Variants in TXLNB observed in about 807,000 individuals in gnomAD.
TXLNB encodes taxilin beta, also known as beta-taxilin.
A neutral mutation model predicts 57.4 loss-of-function variants in TXLNB; 37 were observed. That is an observed-to-expected ratio of 0.64 (90% CI 0.50 to 0.85). The LOEUF (loss-of-function observed/expected upper bound fraction) is 0.85, where lower values mean the gene tolerates loss of function less well. TXLNB is among the 40% of genes least tolerant of loss of function. The pLI is 0.00. For synonymous variants in TXLNB, 302 were observed against 309.6 expected (o/e 0.98, Z 0.26); for missense variants, 848 against 825.6 (o/e 1.03, Z -0.33).
chr6:139,244,486 T>G, intron 9 of TXLNB, 109 bp downstream of exon 9: 1 of 776,576 alleles, frequency 1.3e-6, no homozygotes, highest in Non-Finnish European at 2.2e-6. Context: ...CAAATTCAAC[T>G]CTTTTTCACA....
chr6:139,185,645 G>A, the TXLNB span, among the ~76,000 whole-genome samples: 1 of 152,160 alleles, frequency 6.6e-6, no homozygotes, highest in Non-Finnish European at 1.5e-5. Context: ...AGCTTGCAGT[G>A]AGCCGAGATC....
the TXLNB span, among the ~76,000 whole-genome samples, chr6:139,186,204 G>A: frequency 6.6e-6 from 1 of 151,982 alleles, no homozygotes; most frequent in Non-Finnish European, 1.5e-5. Flanking sequence ...AACTCAAAAT[G>A]GATCAGATGT....
At chr6:139,294,015 T>G (rs1023189729), upstream of TXLNB, among the ~76,000 whole-genome samples, 2 of 152,172 alleles carry the variant, frequency 1.3e-5, no homozygotes, top group Non-Finnish European at 2.9e-5. Flanking sequence ...CTTAACAGAA[T>G]AATTTAAATA....
rs532850255 is a variant in TXLNB, at chr6:139,244,669, G to T, written c.1192C>A (p.Leu398Met). The T allele has an allele frequency of 1.2e-6, 2 of 1,613,370 alleles. No individual in the cohort carries two copies. The highest frequency in any genetic ancestry group is 4.5e-5 in the East Asian group (2 of 44,858). Residue 398 changes from leucine to methionine, a missense_variant, in exon 9 of 10, where the codon CTG becomes ATG. Physicochemically the swap from Leu to Met is conservative, Grantham distance 15. Transcript: ENST00000358430. ...MDKTTKKMKK[L>M]EKDTATWKAR... ...TTCCATGTGGCTGTGTCCTTTTCCA[G>T]CTTCTTCATTTTCTTAGTTGTCTAC...
chr6:139,198,636 A>T, the TXLNB span, among the ~76,000 whole-genome samples: 29 of 152,302 alleles, frequency 1.9e-4, no homozygotes, highest in African/African-American at 5.8e-4. Flanking sequence ...GTTTTGGCCA[A>T]TTGAGGTGCA....
At chr6:139,201,931 TACA>T in the TXLNB span, 3 of 152,254 alleles carry the variant, frequency 2.0e-5, no homozygotes, top group Admixed American at 1.3e-4. Flanking sequence ...TCCTACTCGT[TACA>T]ACATTACCTT....
At chr6:139,199,562 A>C in the TXLNB span, among the ~76,000 whole-genome samples, 55 of 152,318 alleles carry the variant, frequency 3.6e-4, no homozygotes, top group African/African-American at 1.3e-3. Flanking sequence ...GCTACACATA[A>C]TAGTGCATTG....
the TXLNB span, chr6:139,166,406 CA>C: frequency 6.2e-7 from 1 of 1,614,262 alleles, no homozygotes; most frequent in Non-Finnish European, 8.5e-7. Flanking sequence ...GATGCACCTG[CA>C]GTGCTTCTAC....
intron 4 of TXLNB, among the ~76,000 whole-genome samples, chr6:139,265,575 G>A (rs1044215035): frequency 3.9e-5 from 6 of 152,204 alleles, no homozygotes; most frequent in South Asian, 2.1e-4. Context: ...AGCTCCCAGC[G>A]CATGGATTTT....
upstream of TXLNB, among the ~76,000 whole-genome samples, chr6:139,294,694 A>G (rs60791065): frequency 0.051 from 7,794 of 152,258 alleles, 481 homozygotes; most frequent in African/African-American, 0.14. Flanking sequence ...TATGAGAAAT[A>G]AATTTCCATT....
chr6:139,170,730 AG>A, the TXLNB span, among the ~76,000 whole-genome samples: 1 of 152,186 alleles, frequency 6.6e-6, no homozygotes, highest in Non-Finnish European at 1.5e-5. Context: ...GCCATAATAA[AG>A]AACTTTGCTA....
chr6:139,312,230 A>T, the TXLNB span, among the ~76,000 whole-genome samples: 1 of 152,194 alleles, frequency 6.6e-6, no homozygotes, highest in African/African-American at 2.4e-5. Context: ...TGTGAAGGAG[A>T]CACCTCTTCT....
intron 2 of TXLNB, among the ~76,000 whole-genome samples, chr6:139,284,679 T>C (rs1224833744): frequency 2.7e-5 from 4 of 146,204 alleles, no homozygotes; most frequent in African/African-American, 5.0e-5. Context: ...AACTAGATCA[T>C]GCTTCACTCC....
At chr6:139,193,241 C>CTTTTTTTTTTTTT in the TXLNB span, among the ~76,000 whole-genome samples, 405 of 101,142 alleles carry the variant, frequency 4.0e-3, 18 homozygotes, top group Non-Finnish European at 6.7e-3. Flanking sequence ...CTTTGACCCT[C>CTTTTTTTTTTTTT]TTTTTTTTTT....
At chr6:139,319,415 T>G in the TXLNB span, among the ~76,000 whole-genome samples, 1,361 of 151,942 alleles carry the variant, frequency 9.0e-3, 10 homozygotes, top group Middle Eastern at 0.037. Context: ...TTCTTTCTTT[T>G]TTTTTTGAGA....
the TXLNB span, among the ~76,000 whole-genome samples, chr6:139,300,448 GTC>G: frequency 6.6e-6 from 1 of 152,116 alleles, no homozygotes; most frequent in East Asian, 1.9e-4. Context: ...TCCCAATTAT[GTC>G]TCTTTTTTCC....
chr6:139,179,153 T>C, the TXLNB span: 1 of 152,204 alleles, frequency 6.6e-6, no homozygotes, highest in African/African-American at 2.4e-5. Context: ...CACAAAGCTG[T>C]AGTGGTGAAT....
At position 139,242,777 on chromosome 6, in the gene TXLNB, C is replaced by A; in HGVS notation, c.1804G>T (p.Ala602Ser). 6.2e-7 allele frequency: 1 copy of A among 1,613,854 alleles called. No homozygotes were observed. The part of the protein sequence containing the change: ...GLPVGAQADQ[A>S]SWKPEAEASG... ...GCTTCTGCCTCTGGCTTCCAGGACG[C>A]CTGATCAGCCTGTGCTCCAACAGGG... The change falls in exon 10 of 10, where the codon GCG (alanine) becomes TCG (serine). Residue 602 changes from alanine (A) to serine (S), a missense_variant. Coordinates refer to ENST00000358430, the MANE Select transcript of TXLNB (RefSeq NM_153235.4).
At chr6:139,310,771 T>C in the TXLNB span, among the ~76,000 whole-genome samples, 85 of 152,318 alleles carry the variant, frequency 5.6e-4, no homozygotes, top group African/African-American at 1.9e-3. Context: ...CCCAGCACAC[T>C]GCAACCTCCG....
Sources: allele counts gnomAD v4.1 joint callset (sites outside exome capture counted in the v4.1 genomes callset), GRCh38; gene constraint gnomAD v4.1.1; transcripts MANE v1.5; gene names NCBI Gene and HGNC (gene_info 2026-07-23, HGNC 2026-07-21).